Variants in PCDHGA2 observed in about 807,000 individuals in gnomAD.
PCDHGA2 encodes protocadherin gamma subfamily A, 2.
PCDHGA2 carries 40 observed loss-of-function variants against 59.2 expected under a neutral mutation model. That is an observed-to-expected ratio of 0.68 (90% CI 0.52 to 0.88). PCDHGA2 has a LOEUF of 0.88. PCDHGA2 is among the 40% of genes least tolerant of loss of function. PCDHGA2 has a pLI of 0.00. For synonymous variants in PCDHGA2, 560 were observed against 526.0 expected, an observed-to-expected ratio of 1.06 and a Z score of -0.89; for missense variants, 1,226 against 1,204.0, an observed-to-expected ratio of 1.02 and a Z score of -0.27.
At position 141,341,325 on chromosome 5, in the gene PCDHGA2, G is replaced by C. The variant is rs955067221; in HGVS notation, c.2354G>C (p.Cys785Ser). 14 of 1,614,254 alleles carry C rather than the reference G, an allele frequency of 8.7e-6. No individual in the cohort carries two copies. The highest frequency in any genetic ancestry group is 1.2e-5 in the Non-Finnish European group (14 of 1,180,040). The change falls in exon 1 of 4, where the codon TGT becomes TCT. Residue 785 changes from cysteine (C) to serine (S), a missense_variant. Cys to Ser is a moderately radical substitution (Grantham distance 112, BLOSUM62 -1). Transcript: ENST00000394576. ...GACACGCTCATCAGCCAGGAGAGCT[G>C]TGAGAAAAAGGATTTTTTATCAGCG... ...YADTLISQES[C>S]EKKDFLSAPQ...
intron 1 of PCDHGA2, chr5:141,423,658 CA>C: frequency 6.4e-7 from 1 of 1,571,150 alleles, no homozygotes; most frequent in Non-Finnish European, 8.6e-7. Flanking sequence ...GACAAGTAAT[CA>C]GGTGAGATTT....
At position 141,431,513 on chromosome 5, in the gene PCDHGA2, C is replaced by A. The variant is rs1468442248; in HGVS notation, c.2425-63294C>A. ...TCAGCCCGAGTACCGCGCGAGCGTT[C>A]CGGAGAATCTGGCCTTGGGCACGCA... is the stretch of plus-strand genomic sequence containing the variant. On this transcript the variant is annotated intron_variant, in intron 1 of 3. Transcript: ENST00000394576. The surrounding 1 kb of genome is among the most constrained non-coding windows in gnomAD (Gnocchi z 4.8). 1 of 1,614,022 alleles carries A rather than the reference C, an allele frequency of 6.2e-7. No individual in the cohort carries two copies. The highest frequency in any genetic ancestry group is 1.7e-5 in the Admixed American group (1 of 60,032).
intron 1 of PCDHGA2, chr5:141,392,736 C>T: frequency 2.8e-6 from 4 of 1,429,672 alleles, no homozygotes; most frequent in Non-Finnish European, 3.7e-6. Context: ...TTGTCATCTC[C>T]ATAGCTGCGG....
At chr5:141,351,199 G>C (rs776609643) in intron 1 of PCDHGA2, 4 of 1,614,034 alleles carry the variant, frequency 2.5e-6, no homozygotes, top group Non-Finnish European at 3.4e-6. Context: ...GATATGTGTT[G>C]AGTGTGGAAG....
intron 1 of PCDHGA2, chr5:141,344,088 C>T: frequency 6.2e-7 from 1 of 1,612,960 alleles, no homozygotes; most frequent in South Asian, 1.1e-5. Flanking sequence ...GCTGTGCGCG[C>T]TCCTGGGGAC....
chr5:141,361,368 C>T, intron 1 of PCDHGA2: 2 of 1,613,970 alleles, frequency 1.2e-6, no homozygotes, highest in Non-Finnish European at 1.7e-6. Context: ...GCGCTCTGGA[C>T]CGGGAGGAGA....
At chr5:141,377,760 A>T (rs991785557) in intron 1 of PCDHGA2, 3 of 152,200 alleles carry the variant, frequency 2.0e-5, no homozygotes, top group South Asian at 4.1e-4. Context: ...GGGACACCAG[A>T]TCTTTGGTGT....
chr5:141,389,229 G>A, intron 1 of PCDHGA2: 1 of 1,614,048 alleles, frequency 6.2e-7, no homozygotes, highest in South Asian at 1.1e-5. Context: ...CAACGCTCCG[G>A]TTTTCTCACA....
chr5:141,490,374 C>T lies in PCDHGA2; in HGVS notation c.2425-4433C>T, dbSNP rs1452417604. 1.2e-6 allele frequency: 2 copies of T among 1,614,082 alleles called. No homozygotes were observed. Among genetic ancestry groups the T allele is most frequent in the Middle Eastern group, 1.6e-4 (1 of 6,084 alleles). ...GGTTGTTTAATGTGCGAGACCGGGA[C>T]TCAGGTAGAAATGGTGAAGTGAGCC... On this transcript the variant is annotated intron_variant, in intron 1 of 3. Coordinates refer to ENST00000394576, the MANE Select transcript of PCDHGA2 (RefSeq NM_018915.4). This position sits in a 1 kb window ranked among gnomAD's most constrained non-coding sequence, Gnocchi z 5.4.
chr5:141,352,485 G>A (rs2149769551), intron 1 of PCDHGA2: 4 of 1,613,958 alleles, frequency 2.5e-6, no homozygotes, highest in Non-Finnish European at 3.4e-6. Context: ...CACAGCGAGG[G>A]GACTTTGCCC....
chr5:141,383,097 C>T, intron 1 of PCDHGA2: 1 of 1,613,998 alleles, frequency 6.2e-7, no homozygotes, highest in Non-Finnish European at 8.5e-7. Context: ...GAGTCCGCAT[C>T]ATCTCCAGAG....
intron 1 of PCDHGA2, among the ~76,000 whole-genome samples, chr5:141,494,447 G>C (rs1413012155): frequency 6.6e-6 from 1 of 152,118 alleles, no homozygotes. Context: ...GCCACTTTAG[G>C]GGGCTTTGTC....
intron 1 of PCDHGA2, among the ~76,000 whole-genome samples, chr5:141,468,830 C>T (rs561511870): frequency 2.0e-5 from 3 of 152,170 alleles, no homozygotes; most frequent in East Asian, 1.9e-4. Flanking sequence ...CAAGCCACTG[C>T]ACTCCAGCCT....
chr5:141,394,701 C>T lies in PCDHGA2; in HGVS notation c.2424+53306C>T, dbSNP rs375281416. Reference sequence around the variant, plus strand: ...GCACACGGGCGAGGTGCGCACGGCGCGAGCCCTGCTGGACAGAGATGCGCT... The same window carrying T: ...GCACACGGGCGAGGTGCGCACGGCGTGAGCCCTGCTGGACAGAGATGCGCT... On this transcript the variant is annotated intron_variant, in intron 1 of 3. Coordinates refer to ENST00000394576, the MANE Select transcript of PCDHGA2 (RefSeq NM_018915.4). The T allele has an allele frequency of 1.0e-4, 163 of 1,613,044 alleles. 1 individual carries two copies. The highest frequency in any genetic ancestry group is 1.3e-4 in the Non-Finnish European group (159 of 1,179,888).
At position 141,340,283 on chromosome 5, in the gene PCDHGA2, A is replaced by G. The variant is rs1588448256; in HGVS notation, c.1312A>G (p.Ile438Val). The G allele has an allele frequency of 6.2e-7, 1 of 1,614,112 alleles. No homozygotes were observed. Among genetic ancestry groups the G allele is most frequent in the South Asian group, 1.1e-5 (1 of 91,076 alleles). ...CCCCTCCCTGTCCACGGATGCTCAC[A>G]TTTTGCTCCAGGTGGCAGACATCAA... The part of the protein sequence containing the change: ...GNPSLSTDAH[I>V]LLQVADINDN... The change falls in exon 1 of 4, where the codon ATT (isoleucine) becomes GTT (valine). Residue 438 changes from isoleucine to valine, a missense_variant. Transcript: ENST00000394576.
intron 1 of PCDHGA2, chr5:141,416,834 C>T (rs966016844): frequency 4.6e-5 from 7 of 151,848 alleles, no homozygotes; most frequent in Non-Finnish European, 1.0e-4. Flanking sequence ...TTCTCAAGAC[C>T]CTTATAATTC....
At chr5:141,409,747 C>A in intron 1 of PCDHGA2, 3 of 1,612,994 alleles carry the variant, frequency 1.9e-6, no homozygotes, top group South Asian at 1.1e-5. Flanking sequence ...GGGTGGTGTT[C>A]GCGCAGCGCG....
chr5:141,489,844 C>T lies in PCDHGA2; in HGVS notation c.2425-4963C>T, dbSNP rs1004902910. 4.3e-6 allele frequency: 7 copies of T among 1,614,148 alleles called. No homozygotes were observed. The African/African-American group carries it at 9.3e-5, about 22-fold the overall frequency. ...GCTGGTGCTAGAGCAGCAGCTGGAT[C>T]GTGAAGCCCAGGCAAGACATCAGCT... On this transcript the variant is annotated intron_variant, in intron 1 of 3. Transcript: ENST00000394576. The surrounding 1 kb of genome is among the most constrained non-coding windows in gnomAD (Gnocchi z 4.5).
chr5:141,486,728 G>T lies in PCDHGA2; in HGVS notation c.2425-8079G>T. On this transcript the variant is annotated intron_variant, in intron 1 of 3. Coordinates refer to ENST00000394576, the MANE Select transcript of PCDHGA2 (RefSeq NM_018915.4). This position sits in a 1 kb window ranked among gnomAD's most constrained non-coding sequence, Gnocchi z 5.0. Reference sequence around the variant, plus strand: ...GAACCCCCAGACAGGAGCTGTTCATGCTACTCGATCCTTTGACTATGAGCA... The same window carrying T: ...GAACCCCCAGACAGGAGCTGTTCATTCTACTCGATCCTTTGACTATGAGCA... The T allele has an allele frequency of 6.2e-7, 1 of 1,614,200 alleles. No individual in the cohort carries two copies. The highest frequency in any genetic ancestry group is 8.5e-7 in the Non-Finnish European group (1 of 1,180,052).
Sources: allele counts gnomAD v4.1 joint callset (sites outside exome capture counted in the v4.1 genomes callset), GRCh38; gene constraint gnomAD v4.1.1; non-coding constraint Gnocchi (gnomAD v3.1); transcripts MANE v1.5; gene names NCBI Gene and HGNC (gene_info 2026-07-23, HGNC 2026-07-21).